AHCTF1: variants seen among roughly 807,000 people sequenced by gnomAD.
AHCTF1 encodes the protein AT-hook containing transcription factor 1, also known as protein ELYS.
A neutral mutation model predicts 248.4 loss-of-function variants in AHCTF1; 24 were observed. The ratio of observed to expected loss-of-function variants is 0.10; its 90% CI spans 0.07 to 0.14. The LOEUF (loss-of-function observed/expected upper bound fraction) is 0.14. Among genes scored for constraint, AHCTF1 ranks in the 10% least tolerant of loss-of-function variants. The pLI, the probability that AHCTF1 is intolerant of heterozygous loss-of-function variation, is 1.00. For synonymous variants in AHCTF1, 786 were observed against 929.8 expected, an observed-to-expected ratio of 0.85 and a Z score of 2.81; for missense variants, 2,206 against 2,636.2, an observed-to-expected ratio of 0.84 and a Z score of 3.57.
chr1:246,893,273 T>C (rs1312208746), intron 14 of AHCTF1, among the ~76,000 whole-genome samples: 1 of 152,230 alleles, frequency 6.6e-6, no homozygotes, highest in Non-Finnish European at 1.5e-5. Context: ...AATTATTTCA[T>C]GACAACAGTT....
At chr1:246,857,667 T>C in intron 30 of AHCTF1, 24 bp downstream of exon 30, 2 of 1,578,918 alleles carry the variant, frequency 1.3e-6, no homozygotes, top group African/African-American at 1.4e-5. Flanking sequence ...CTAAAAGTAT[T>C]TGAATTTCTC....
chr1:246,922,757 C>T lies in AHCTF1; in HGVS notation c.-7-4380G>A, dbSNP rs564753383. 1.7e-4 allele frequency among the ~76,000 whole-genome samples: 25 copies of T among 150,958 alleles called. No individual in the cohort carries two copies. The East Asian group carries it at 2.8e-3, about 17-fold the overall frequency. The stretch of plus-strand genomic sequence containing the variant: ...CAGCACTTTGGGAGGCCAAGGAGGG[C>T]GGATCACGAGGTCAGGAGATCGAGA... On this transcript the variant is annotated intron_variant, in intron 1 of 35. Transcript: ENST00000648844.
intron 33 of AHCTF1, among the ~76,000 whole-genome samples, chr1:246,846,044 G>A (rs80110842): frequency 0.097 from 14,545 of 149,636 alleles, 762 homozygotes; most frequent in South Asian, 0.13. Flanking sequence ...GGAAGTAAAA[G>A]TACCTACACT....
chr1:246,858,314 C>T (rs769319952), intron 29 of AHCTF1, among the ~76,000 whole-genome samples: 3 of 152,106 alleles, frequency 2.0e-5, no homozygotes, highest in Non-Finnish European at 4.4e-5. Flanking sequence ...CTTAACCTCT[C>T]GCTTTTCACT....
At chr1:246,931,544 C>A in intron 1 of AHCTF1, 34 bp downstream of exon 1, 1 of 267,370 alleles carries the variant, frequency 3.7e-6, no homozygotes, top group Non-Finnish European at 5.7e-6. Flanking sequence ...CCCTCCGCCG[C>A]GCGGGCCCAA....
At chr1:246,878,233 A>G (rs2103108577) in intron 21 of AHCTF1, among the ~76,000 whole-genome samples, 1 of 151,698 alleles carries the variant, frequency 6.6e-6, no homozygotes, top group East Asian at 1.9e-4. Context: ...CCCTAACTAC[A>G]AAAAAATACA....
intron 10 of AHCTF1, among the ~76,000 whole-genome samples, chr1:246,899,806 C>A (rs927301427): frequency 6.6e-6 from 1 of 152,044 alleles, no homozygotes; most frequent in African/African-American, 2.4e-5. Context: ...CAGTTAATAT[C>A]TTTCCTAGCA....
chr1:246,898,998 AGAATCACTT>A (rs1311318866), intron 11 of AHCTF1, among the ~76,000 whole-genome samples: 1 of 152,214 alleles, frequency 6.6e-6, no homozygotes, highest in African/African-American at 2.4e-5. Flanking sequence ...CGGAGGCAGA[AGAATCACTT>A]GAACCTGGGT....
At chr1:246,867,396 T>C (rs1662061159) in intron 25 of AHCTF1, 45 bp from the exon 26 acceptor site, 1 of 1,272,146 alleles carries the variant, frequency 7.9e-7, no homozygotes, top group Non-Finnish European at 1.1e-6. Flanking sequence ...CAAGGAGCAC[T>C]GATAACAAGT....
chr1:246,857,854 A>G (rs1558218674), intron 29 of AHCTF1, 40 bp from the exon 30 acceptor site: 2 of 1,547,366 alleles, frequency 1.3e-6, no homozygotes, highest in Non-Finnish European at 1.8e-6. Context: ...TATGCTAAAT[A>G]TTTAGTGATT....
Position 246,867,343 on chromosome 1 carries a change from A to C in AHCTF1, c.3248T>G (p.Ile1083Arg). 1 of 1,577,160 alleles carries C rather than the reference A, an allele frequency of 6.3e-7. No homozygotes were observed. Among genetic ancestry groups the C allele is most frequent in the South Asian group, 1.2e-5 (1 of 83,490 alleles). The stretch of plus-strand genomic sequence containing the variant: ...ATACACTATAGGAGATGGTTCTTCT[A>C]TTTTAGAACTATGAAAATAAAAATT... ...NSTTPFNSSK[I>R]EEPSPIVYSL... The change falls in exon 26 of 36, where the codon ATA (isoleucine) becomes AGA (arginine). Residue 1083 changes from isoleucine (I) to arginine (R), a missense_variant. Transcript: ENST00000648844.
At chr1:246,929,200 G>A (rs1211789794) in intron 1 of AHCTF1, among the ~76,000 whole-genome samples, 1 of 152,054 alleles carries the variant, frequency 6.6e-6, no homozygotes, top group South Asian at 2.1e-4. Flanking sequence ...TCTGAGCTCA[G>A]GAGTTCGAGA....
chr1:246,869,006 G>C (rs1224288791), intron 24 of AHCTF1, among the ~76,000 whole-genome samples: 2 of 151,358 alleles, frequency 1.3e-5, no homozygotes, highest in Non-Finnish European at 2.9e-5. Flanking sequence ...CACCATGCCT[G>C]GCTAACTTTT....
In AHCTF1 at chr1:246,908,535, T is replaced by C. The variant is rs1665556296; in HGVS notation, c.557-777A>G. On this transcript the variant is annotated intron_variant, in intron 4 of 35. Coordinates refer to ENST00000648844, the MANE Select transcript of AHCTF1 (RefSeq NM_001323342.2). ...CCTAATTAATGAGAAAATTATTCTT[T>C]ACATTGACAGAACATAAAAATCATC... Among the ~76,000 whole-genome samples the C allele has an allele frequency of 2.6e-5, 4 of 151,958 alleles. No individual in the cohort carries two copies. The South Asian group carries it at 8.3e-4, about 31-fold the overall frequency.
intron 21 of AHCTF1, 151 bp from the exon 22 acceptor site, chr1:246,877,453 C>T: frequency 2.7e-6 from 2 of 737,888 alleles, no homozygotes; most frequent in Non-Finnish European, 4.0e-6. Context: ...ATACTAAGTA[C>T]TGCATAATAA....
chr1:246,840,631 G>T lies in AHCTF1; in HGVS notation c.*175C>A. On this transcript the variant is annotated 3_prime_UTR_variant, in exon 36 of 36. Coordinates refer to ENST00000648844, the MANE Select transcript of AHCTF1 (RefSeq NM_001323342.2). ...AGTCTTAATATAAAATAGAAAAATTGCCTGGACTGAAACAATCACTCCATA... is the reference window on the plus strand; with the variant it reads ...AGTCTTAATATAAAATAGAAAAATTTCCTGGACTGAAACAATCACTCCATA... 1 of 388,230 alleles carries T rather than the reference G, an allele frequency of 2.6e-6. No homozygotes were observed. Among genetic ancestry groups the T allele is most frequent in the Non-Finnish European group, 4.5e-6 (1 of 221,680 alleles). 24.0% of individuals were successfully genotyped at this position (388,230 alleles called of 1,614,324 possible).
rs1251144187 is a variant in AHCTF1, at chr1:246,890,072, G to A, written c.2051-13C>T. 2 of 1,588,850 alleles carry A rather than the reference G, an allele frequency of 1.3e-6. No individual in the cohort carries two copies. The highest frequency in any genetic ancestry group is 2.2e-5 in the East Asian group (1 of 44,566). ...TGCACAGAATCATCTAGATTTTTAAGAGTTGGAAAAAAAGCTGGTAATAAT... is the reference window on the plus strand; with the variant it reads ...TGCACAGAATCATCTAGATTTTTAAAAGTTGGAAAAAAAGCTGGTAATAAT... On this transcript the variant is annotated splice_polypyrimidine_tract_variant and intron_variant, in intron 16 of 35. Coordinates refer to ENST00000648844, the MANE Select transcript of AHCTF1 (RefSeq NM_001323342.2).
intron 1 of AHCTF1, among the ~76,000 whole-genome samples, chr1:246,926,339 T>C (rs1026869191): frequency 6.6e-6 from 1 of 152,202 alleles, no homozygotes; most frequent in Non-Finnish European, 1.5e-5. Context: ...ACATGTAACA[T>C]TGTGCTTTAC....
At chr1:246,914,506 T>A (rs905578413) in intron 3 of AHCTF1, among the ~76,000 whole-genome samples, 1 of 152,212 alleles carries the variant, frequency 6.6e-6, no homozygotes, top group African/African-American at 2.4e-5. Context: ...TGTAACTTCA[T>A]CACTTTTTCT....
Sources: allele counts gnomAD v4.1 joint callset (sites outside exome capture counted in the v4.1 genomes callset), GRCh38; gene constraint gnomAD v4.1.1; transcripts MANE v1.5; gene names NCBI Gene and HGNC (gene_info 2026-07-23, HGNC 2026-07-21).